Variants in PMM2 observed in about 807,000 individuals in gnomAD.
The protein encoded by PMM2 is phosphomannomutase 2.
PMM2 carries 35 observed loss-of-function variants against 33.2 expected under a neutral mutation model. The ratio of observed to expected loss-of-function variants is 1.06; its 90% confidence interval spans 0.81 to 1.40. The LOEUF is 1.40. PMM2 is among the 40% of genes most tolerant of loss of function. The pLI is 0.00. For missense variants in PMM2, 386 were observed against 306.0 expected, an observed-to-expected ratio of 1.26 and a Z score of -1.95; for synonymous variants, 153 against 114.7, an observed-to-expected ratio of 1.33 and a Z score of -2.13.
intron 7 of PMM2, among the ~76,000 whole-genome samples, chr16:8,836,032 G>A (rs1380513333): frequency 6.6e-6 from 1 of 150,716 alleles, no homozygotes; most frequent in African/African-American, 2.4e-5. Flanking sequence ...GAAAAGGAGT[G>A]CTTAAAAGAG....
chr16:8,800,665 C>CTTTTTTTTT (rs35148703), intron 1 of PMM2, among the ~76,000 whole-genome samples: 223 of 125,326 alleles, frequency 1.8e-3, no homozygotes, highest in Non-Finnish European at 2.1e-3. Flanking sequence ...TAAGCTTCTC[C>CTTTTTTTTT]TTTTTTTTTT....
intron 7 of PMM2, among the ~76,000 whole-genome samples, chr16:8,838,179 C>T (rs377208740): frequency 6.6e-6 from 1 of 151,944 alleles, no homozygotes; most frequent in African/African-American, 2.4e-5. Flanking sequence ...AGTACATTCT[C>T]AAGAGTGGGG....
intron 7 of PMM2, among the ~76,000 whole-genome samples, chr16:8,831,373 C>G (rs1194063428): frequency 6.6e-6 from 1 of 152,130 alleles, no homozygotes; most frequent in African/African-American, 2.4e-5. Context: ...AAATAAACAT[C>G]CATAGCAAGA....
chr16:8,802,725 G>A (rs983672279), intron 2 of PMM2, among the ~76,000 whole-genome samples: 1 of 151,972 alleles, frequency 6.6e-6, no homozygotes, highest in Non-Finnish European at 1.5e-5. Flanking sequence ...AGCTACTCAG[G>A]AGGCCGAGGC....
At chr16:8,843,459 C>T (rs962578347) in intron 7 of PMM2, among the ~76,000 whole-genome samples, 1 of 152,078 alleles carries the variant, frequency 6.6e-6, no homozygotes, top group African/African-American at 2.4e-5. Context: ...CCAGTGGGGT[C>T]CCGCACAGAT....
chr16:8,840,985 A>G (rs186169807), intron 7 of PMM2, among the ~76,000 whole-genome samples: 28 of 152,158 alleles, frequency 1.8e-4, no homozygotes, highest in African/African-American at 5.5e-4. Flanking sequence ...GGGGCCAAGC[A>G]AGAAAGTGCG....
At chr16:8,835,852 T>A (rs2060842308) in intron 7 of PMM2, among the ~76,000 whole-genome samples, 1 of 151,776 alleles carries the variant, frequency 6.6e-6, no homozygotes, top group Non-Finnish European at 1.5e-5. Context: ...AGTAGAGGTA[T>A]CTTATACTTG....
intron 7 of PMM2, among the ~76,000 whole-genome samples, chr16:8,831,092 G>A (rs1441822065): frequency 6.6e-6 from 1 of 152,140 alleles, no homozygotes; most frequent in African/African-American, 2.4e-5. Flanking sequence ...TGAGCCGAGA[G>A]TGTGCCACTG....
intron 7 of PMM2, chr16:8,832,798 G>A: frequency 1.0e-6 from 1 of 985,200 alleles, no homozygotes; most frequent in Non-Finnish European, 1.2e-6. Context: ...CTGTGGCCCG[G>A]CCCCAGCCCC....
chr16:8,845,239 G>A (rs927738972), intron 7 of PMM2, among the ~76,000 whole-genome samples: 1 of 152,186 alleles, frequency 6.6e-6, no homozygotes, highest in African/African-American at 2.4e-5. Context: ...ACATCCTCAA[G>A]AGTGGGGAGA....
chr16:8,841,049 G>T (rs1389663389), intron 7 of PMM2, among the ~76,000 whole-genome samples: 1 of 151,988 alleles, frequency 6.6e-6, no homozygotes, highest in Non-Finnish European at 1.5e-5. Context: ...TCGAGAACAG[G>T]CTCTAATTCT....
chr16:8,832,337 C>G (rs556509621), intron 7 of PMM2: 22 of 985,420 alleles, frequency 2.2e-5, no homozygotes, highest in Non-Finnish European at 2.5e-5. Flanking sequence ...GCTCCTGCAG[C>G]CAGGGTCGGG....
Position 8,811,727 on chromosome 16 carries a change from T to C in PMM2, c.523+14T>C. ...CGTTTTCCATAGGTATTGTATATAT[T>C]GCCTGTGTTCCAAACTTGGATACCC... On this transcript the variant is annotated intron_variant, in intron 6 of 7. Transcript: ENST00000268261. The C allele has an allele frequency of 1.3e-6, 2 of 1,577,614 alleles. No individual in the cohort carries two copies. Among genetic ancestry groups the C allele is most frequent in the South Asian group, 1.1e-5 (1 of 90,368 alleles).
chr16:8,839,084 C>T (rs904982633), intron 7 of PMM2, among the ~76,000 whole-genome samples: 3 of 151,890 alleles, frequency 2.0e-5, no homozygotes, highest in Admixed American at 6.6e-5. Flanking sequence ...CCTGCTATTC[C>T]AGTACCGAGA....
At chr16:8,847,452 TAGAC>T (rs1263992077) in intron 7 of PMM2, among the ~76,000 whole-genome samples, 2 of 151,774 alleles carry the variant, frequency 1.3e-5, no homozygotes, top group Admixed American at 6.6e-5. Context: ...AAATAAGCCT[TAGAC>T]AGATCTTCGC....
At chr16:8,834,887 T>C (rs1363483242) in intron 7 of PMM2, among the ~76,000 whole-genome samples, 2 of 152,078 alleles carry the variant, frequency 1.3e-5, no homozygotes, top group Non-Finnish European at 2.9e-5. Flanking sequence ...TCAGGTGTGG[T>C]ATCAGGAATA....
chr16:8,819,567 T>C (rs1325140812), intron 7 of PMM2, among the ~76,000 whole-genome samples: 1 of 151,904 alleles, frequency 6.6e-6, no homozygotes, highest in Non-Finnish European at 1.5e-5. Context: ...ATCTGAGTAA[T>C]CCCTGTAATC....
intron 7 of PMM2, among the ~76,000 whole-genome samples, chr16:8,820,448 G>A (rs934914856): frequency 6.6e-6 from 1 of 150,738 alleles, no homozygotes; most frequent in Non-Finnish European, 1.5e-5. Flanking sequence ...TGAACTCCTG[G>A]GCTCAAGTGA....
chr16:8,798,029 A>G lies in PMM2; in HGVS notation c.66+81A>G. ...GTTGGGGCTATCGACCACCCAGGGT[A>G]GGCGCCAAGGGGTGGCTAAGGACCG... On this transcript the variant is annotated intron_variant, in intron 1 of 7. Coordinates refer to ENST00000268261, the MANE Select transcript of PMM2 (RefSeq NM_000303.3). 7.2e-6 allele frequency: 10 copies of G among 1,390,290 alleles called. 1 individual carries two copies. In the South Asian group the frequency reaches 8.6e-5, roughly 12 times the overall value. 86.1% of individuals were successfully genotyped at this position (1,390,290 alleles called of 1,614,324 possible).
Sources: gnomAD v4.1 joint callset for allele counts (sites outside exome capture counted in the v4.1 genomes callset) on GRCh38, gnomAD v4.1.1 for gene constraint, MANE v1.5 for transcripts, NCBI Gene and HGNC (gene_info 2026-07-23, HGNC 2026-07-21) for gene names.